Variants in TSPAN18 observed in about 807,000 individuals in gnomAD.
The protein encoded by TSPAN18 is tetraspanin 18, also known as tetraspanin-18.
In TSPAN18, 14 loss-of-function variants were observed where a neutral mutation model predicts 27.3. The ratio of observed to expected loss-of-function variants is 0.51; its 90% CI spans 0.34 to 0.80. The LOEUF is 0.80. TSPAN18 is among the 30% of genes least tolerant of loss of function. TSPAN18 has a pLI of 0.01. For synonymous variants in TSPAN18, 143 were observed against 136.5 expected (o/e 1.05, Z -0.33); for missense variants, 268 against 323.9 (o/e 0.83, Z 1.32).
In TSPAN18 at chr11:44,768,214, T is replaced by C. The variant is rs77958702; in HGVS notation, c.-153+3702T>C. On this transcript the variant is annotated intron_variant, in intron 2 of 9. Transcript: ENST00000520358. ...GGAAGAACTGACATCTTGACATTATTGAGTCTTCCTATTTTTGAACACTGA... is the reference window on the plus strand; with the variant it reads ...GGAAGAACTGACATCTTGACATTATCGAGTCTTCCTATTTTTGAACACTGA... 6.7e-3 allele frequency among the ~76,000 whole-genome samples: 1,027 copies of C among 152,344 alleles called. 10 individuals carry two copies. The highest frequency in any genetic ancestry group is 0.024 in the African/African-American group (992 of 41,572).
upstream of TSPAN18, chr11:44,726,548 G>A (rs965993196): frequency 2.6e-5 from 4 of 152,164 alleles, no homozygotes; most frequent in Non-Finnish European, 5.9e-5. Context: ...CCAGGAGCCC[G>A]ATCAGGACCG....
intron 1 of TSPAN18, among the ~76,000 whole-genome samples, chr11:44,748,397 C>G (rs1488629229): frequency 1.5e-5 from 2 of 137,382 alleles, no homozygotes; most frequent in Non-Finnish European, 3.1e-5. Flanking sequence ...GACCCTTTCT[C>G]AAAAGAAAAA....
Position 44,917,970 on chromosome 11 carries a change from A to G in TSPAN18, c.259-2A>G. 6.2e-7 allele frequency: 1 copy of G among 1,614,084 alleles called. No homozygotes were observed. Among genetic ancestry groups the G allele is most frequent in the Non-Finnish European group, 8.5e-7 (1 of 1,180,024 alleles). On this transcript the variant is annotated splice_acceptor_variant, in intron 5 of 9. Coordinates refer to ENST00000520358, the MANE Select transcript of TSPAN18 (RefSeq NM_130783.5). LOFTEE classifies it high-confidence loss of function. The stretch of plus-strand genomic sequence containing the variant: ...CTCACAAGGCTGTTCCTCTCCCTGC[A>G]GTTCTTCCTGTTCATCCTGATCATC...
At chr11:44,813,420 C>T (rs903230589) in intron 2 of TSPAN18, among the ~76,000 whole-genome samples, 3 of 152,106 alleles carry the variant, frequency 2.0e-5, no homozygotes, top group Non-Finnish European at 4.4e-5. Flanking sequence ...GGGGTTAAAA[C>T]GATGTATATA....
At chr11:44,781,915 G>A (rs992324098) in intron 2 of TSPAN18, among the ~76,000 whole-genome samples, 4 of 152,056 alleles carry the variant, frequency 2.6e-5, no homozygotes, top group Non-Finnish European at 4.4e-5. Flanking sequence ...TGCCTGTTCC[G>A]GAACTTGCTA....
chr11:44,783,308 G>A (rs970805787), intron 2 of TSPAN18, among the ~76,000 whole-genome samples: 16 of 151,950 alleles, frequency 1.1e-4, no homozygotes, highest in African/African-American at 3.4e-4. Context: ...ACTGTTCATC[G>A]AAACACACTG....
chr11:44,791,668 G>A (rs1162897927), intron 2 of TSPAN18, among the ~76,000 whole-genome samples: 3 of 152,204 alleles, frequency 2.0e-5, no homozygotes, highest in Non-Finnish European at 4.4e-5. Context: ...AGTCTCTAAG[G>A]TCTGGGCATC....
intron 9 of TSPAN18, among the ~76,000 whole-genome samples, chr11:44,928,524 C>T (rs1044470971): frequency 5.9e-5 from 9 of 152,170 alleles, no homozygotes; most frequent in Non-Finnish European, 1.0e-4. Flanking sequence ...CTGTGGCTCA[C>T]GCCTGTAAAT....
In TSPAN18 at chr11:44,773,491, G is replaced by T. The variant is rs116508269; in HGVS notation, c.-153+8979G>T. On this transcript the variant is annotated intron_variant, in intron 2 of 9. Transcript: ENST00000520358. ...TTGTTTAGAACTTAGATCACTAAAA[G>T]ATTTTTTTTTTCTCAAAGCAGAGCA... Among the ~76,000 whole-genome samples, 842 of 152,104 alleles carry T rather than the reference G, an allele frequency of 5.5e-3. 7 individuals are homozygous for T. The highest frequency in any genetic ancestry group is 0.02 in the African/African-American group (812 of 41,444).
intron 1 of TSPAN18, among the ~76,000 whole-genome samples, chr11:44,749,883 G>A (rs959598603): frequency 4.6e-5 from 7 of 152,118 alleles, no homozygotes; most frequent in Admixed American, 1.3e-4. Flanking sequence ...TGATCCACCC[G>A]CCTTGGCCTC....
chr11:44,909,529 G>A, intron 4 of TSPAN18, 176 bp from the exon 5 acceptor site: 6 of 596,158 alleles, frequency 1.0e-5, no homozygotes, highest in South Asian at 2.3e-5. Context: ...AAAATTAAAA[G>A]CAATTCAAGG....
chr11:44,815,598 G>C (rs1856804257), intron 2 of TSPAN18, among the ~76,000 whole-genome samples: 1 of 152,180 alleles, frequency 6.6e-6, no homozygotes, highest in South Asian at 2.1e-4. Flanking sequence ...CCTACCCTGT[G>C]CTGGGGATTG....
chr11:44,842,673 C>T (rs1857397188), intron 2 of TSPAN18, among the ~76,000 whole-genome samples: 1 of 152,274 alleles, frequency 6.6e-6, no homozygotes, highest in Admixed American at 6.5e-5. Context: ...GAGTCATTCT[C>T]CAGGCTCTGA....
intron 2 of TSPAN18, among the ~76,000 whole-genome samples, chr11:44,846,257 A>G (rs1476540746): frequency 1.3e-5 from 2 of 152,174 alleles, no homozygotes; most frequent in African/African-American, 4.8e-5. Flanking sequence ...GCTTTGTGTG[A>G]CTCTAGCATT....
At chr11:44,914,844 T>C (rs888261134) in intron 5 of TSPAN18, among the ~76,000 whole-genome samples, 1 of 152,162 alleles carries the variant, frequency 6.6e-6, no homozygotes, top group South Asian at 2.1e-4. Flanking sequence ...CAGGTAGCTA[T>C]TGCTATTTTT....
intron 2 of TSPAN18, among the ~76,000 whole-genome samples, chr11:44,846,860 C>T (rs1857496363): frequency 6.6e-6 from 1 of 152,174 alleles, no homozygotes; most frequent in South Asian, 2.1e-4. Context: ...GGTCCCCGCT[C>T]TTCAGGAATG....
chr11:44,927,071 C>G (rs530366967), intron 9 of TSPAN18, among the ~76,000 whole-genome samples: 1 of 152,356 alleles, frequency 6.6e-6, no homozygotes, highest in East Asian at 1.9e-4. Context: ...AGAGAGATTT[C>G]ACGCTTGCAG....
At chr11:44,768,234 C>T (rs1590438733) in intron 2 of TSPAN18, among the ~76,000 whole-genome samples, 1 of 152,316 alleles carries the variant, frequency 6.6e-6, no homozygotes, top group South Asian at 2.1e-4. Flanking sequence ...TATTTTTGAA[C>T]ACTGATCAGT....
intron 6 of TSPAN18, 79 bp downstream of exon 6, chr11:44,918,125 T>C: frequency 7.0e-7 from 1 of 1,426,730 alleles, no homozygotes; most frequent in South Asian, 1.2e-5. Flanking sequence ...GCTCCTCCCC[T>C]CCTTGAAGGG....
Sources: allele counts gnomAD v4.1 joint callset (sites outside exome capture counted in the v4.1 genomes callset), GRCh38; gene constraint gnomAD v4.1.1; transcripts MANE v1.5; gene names NCBI Gene and HGNC (gene_info 2026-07-23, HGNC 2026-07-21).